The following KAZN variants were observed in gnomAD, a reference collection of about 807,000 sequenced individuals.
KAZN encodes kazrin.
Under a neutral mutation model 87.4 loss-of-function variants are expected in KAZN, and 40 were observed. The observed-to-expected ratio is 0.46, with a 90% CI of 0.36 to 0.60. KAZN has a LOEUF of 0.60. Among genes scored for constraint, KAZN ranks in the 20% least tolerant of loss-of-function variants. The pLI, the probability that KAZN is intolerant of heterozygous loss-of-function variation, is 0.00. For missense variants in KAZN, 898 were observed against 1,073.9 expected, an observed-to-expected ratio of 0.84 and a Z score of 2.29; for synonymous variants, 466 against 458.3, an observed-to-expected ratio of 1.02 and a Z score of -0.22.
At chr1:14,512,884 G>C (rs1288808969) in intron 2 of KAZN, among the ~76,000 whole-genome samples, 2 of 152,214 alleles carry the variant, frequency 1.3e-5, no homozygotes, top group Admixed American at 6.5e-5. Context: ...TTCCTTGGAC[G>C]ATCAGGCCGG....
intron 1 of KAZN, among the ~76,000 whole-genome samples, chr1:14,033,486 C>T (rs773218800): frequency 3.3e-5 from 5 of 152,188 alleles, no homozygotes; most frequent in Non-Finnish European, 4.4e-5. Flanking sequence ...CAGACATTGC[C>T]GTCTCCTGGC....
At chr1:13,964,734 G>A (rs1238180433) in intron 1 of KAZN, among the ~76,000 whole-genome samples, 11 of 152,194 alleles carry the variant, frequency 7.2e-5, no homozygotes. Flanking sequence ...GTCAAAGCCA[G>A]CCAGCTCTTG....
chr1:14,417,364 G>A (rs1173556382), intron 2 of KAZN, among the ~76,000 whole-genome samples: 1 of 152,184 alleles, frequency 6.6e-6, no homozygotes, highest in Admixed American at 6.5e-5. Flanking sequence ...TTACAGTGAG[G>A]TTCTTCGCCA....
intron 2 of KAZN, among the ~76,000 whole-genome samples, chr1:14,290,131 C>T (rs4551588): frequency 0.65 from 98,444 of 151,984 alleles, 32,363 homozygotes; most frequent in African/African-American, 0.7. Context: ...ATTTCAACCT[C>T]GCTGAATCTG....
chr1:14,446,254 G>A (rs190519717), intron 2 of KAZN, among the ~76,000 whole-genome samples: 39 of 152,156 alleles, frequency 2.6e-4, no homozygotes, highest in African/African-American at 8.7e-4. Context: ...ATTTGAGCAG[G>A]GGAATGACAG....
chr1:14,377,942 C>T (rs770074022), intron 2 of KAZN, among the ~76,000 whole-genome samples: 5 of 152,210 alleles, frequency 3.3e-5, no homozygotes, highest in Non-Finnish European at 7.3e-5. Context: ...TATCAAATGT[C>T]CCCTGGAGTA....
intron 2 of KAZN, among the ~76,000 whole-genome samples, chr1:14,283,448 T>C (rs1419497349): frequency 6.6e-6 from 1 of 152,164 alleles, no homozygotes; most frequent in African/African-American, 2.4e-5. Context: ...AACAGACGTC[T>C]CTTACAAAAA....
At chr1:14,826,268 G>C (rs190603688) in intron 1 of KAZN, among the ~76,000 whole-genome samples, 27 of 152,380 alleles carry the variant, frequency 1.8e-4, no homozygotes, top group African/African-American at 5.5e-4. Context: ...ATGTGACCAG[G>C]AGGGTGTGCT....
Position 14,598,970 on chromosome 1 carries a change from C to A in KAZN, c.-28C>A. On this transcript the variant is annotated 5_prime_UTR_variant, in exon 1 of 15. Transcript: ENST00000376030. The surrounding 1 kb of genome is among the most constrained non-coding windows in gnomAD (Gnocchi z 4.2). ...CGCATCATGCAGCTCTTTGTCACCT[C>A]TCTCGCCCCCAGGCCAAAATCCTGA... The A allele has an allele frequency of 3.2e-6, 5 of 1,565,292 alleles. No individual in the cohort carries two copies. Among genetic ancestry groups the A allele is most frequent in the South Asian group, 1.2e-5 (1 of 85,916 alleles).
At chr1:14,378,224 A>G (rs1448628886) in intron 2 of KAZN, among the ~76,000 whole-genome samples, 1 of 152,208 alleles carries the variant, frequency 6.6e-6, no homozygotes, top group Non-Finnish European at 1.5e-5. Flanking sequence ...AAATATGCTT[A>G]TCAGTAATGG....
chr1:15,051,588 C>T (rs976087792), intron 4 of KAZN, among the ~76,000 whole-genome samples: 4 of 152,164 alleles, frequency 2.6e-5, no homozygotes, highest in South Asian at 4.2e-4. Flanking sequence ...CAAGCACTTT[C>T]CCAGCAACCA....
Position 15,094,091 on chromosome 1 carries a change from C to G in KAZN, c.1223-89C>G. 8.4e-7 allele frequency: 1 copy of G among 1,192,268 alleles called. No homozygotes were observed. Among genetic ancestry groups the G allele is most frequent in the Non-Finnish European group, 1.2e-6 (1 of 836,184 alleles). The allele number at this position is 1,192,268 out of a possible 1,614,324, so 73.9% of individuals were successfully genotyped here. On this transcript the variant is annotated intron_variant, in intron 8 of 14. Transcript: ENST00000376030. This position sits in a 1 kb window ranked among gnomAD's most constrained non-coding sequence, Gnocchi z 4.5. ...ATACATGGAGGGGAGGATGTCCCCA[C>G]CACCCTCTGCCTCCCGGGGGTATGG...
chr1:14,641,883 C>T (rs1002444644), intron 1 of KAZN, among the ~76,000 whole-genome samples: 6 of 152,228 alleles, frequency 3.9e-5, no homozygotes, highest in African/African-American at 1.4e-4. Context: ...AAGCAACAAG[C>T]TACAAACTGG....
chr1:14,311,359 G>C (rs1655280501), intron 2 of KAZN, among the ~76,000 whole-genome samples: 1 of 150,438 alleles, frequency 6.6e-6, no homozygotes, highest in African/African-American at 2.5e-5. Context: ...ATCATTCAAT[G>C]AGAGGATGAT....
chr1:14,549,019 C>T (rs1397389646), intron 2 of KAZN, among the ~76,000 whole-genome samples: 1 of 152,166 alleles, frequency 6.6e-6, no homozygotes, highest in East Asian at 1.9e-4. Context: ...CTAGACACTT[C>T]AGTGTTTCTG....
intron 1 of KAZN, among the ~76,000 whole-genome samples, chr1:13,922,111 G>T (rs956407440): frequency 6.6e-6 from 1 of 152,068 alleles, no homozygotes; most frequent in African/African-American, 2.4e-5. Flanking sequence ...GAAAGTATGG[G>T]GTTTAGAAGC....
chr1:15,009,408 G>A lies in KAZN; in HGVS notation c.419-25341G>A, dbSNP rs79746583. 1.5e-3 allele frequency among the ~76,000 whole-genome samples: 224 copies of A among 152,340 alleles called. 9 individuals carry two copies. In the East Asian group the frequency reaches 0.035, roughly 24 times the overall value. On this transcript the variant is annotated intron_variant, in intron 2 of 14. Transcript: ENST00000376030. ...AGCACGCTGAGCACCAGGAAGGCCA[G>A]GAGGGTTGCCTGGGAACAGGCAGAC...
chr1:14,937,081 T>C (rs1394136731), intron 1 of KAZN, among the ~76,000 whole-genome samples: 1 of 152,170 alleles, frequency 6.6e-6, no homozygotes, highest in Admixed American at 6.5e-5. Flanking sequence ...TTGCAGCCCC[T>C]CTGGGCATAA....
intron 2 of KAZN, among the ~76,000 whole-genome samples, chr1:14,446,714 G>A (rs1295513783): frequency 6.6e-6 from 1 of 152,100 alleles, no homozygotes. Flanking sequence ...AGGTAGCTCA[G>A]TCTAGTGCAA....
Sources: gnomAD v4.1 joint callset for allele counts (sites outside exome capture counted in the v4.1 genomes callset) on GRCh38, gnomAD v4.1.1 for gene constraint, Gnocchi (gnomAD v3.1) non-coding constraint, MANE v1.5 for transcripts, NCBI Gene and HGNC (gene_info 2026-07-23, HGNC 2026-07-21) for gene names.